The following EDIL3 variants were observed in gnomAD, a reference collection of about 807,000 sequenced individuals.
EDIL3 encodes the protein EGF like and discoidin domains 3.
EDIL3 carries 37 observed loss-of-function variants against 67.4 expected under a neutral mutation model. The observed-to-expected ratio is 0.55, with a 90% CI of 0.42 to 0.72. The LOEUF (loss-of-function observed/expected upper bound fraction) is 0.72. Ranked by LOEUF, EDIL3 falls within the 30% of genes least tolerant of loss-of-function variation. EDIL3 has a pLI of 0.00. For synonymous variants in EDIL3, 195 were observed against 196.3 expected, an observed-to-expected ratio of 0.99 and a Z score of 0.05; for missense variants, 527 against 586.3, an observed-to-expected ratio of 0.90 and a Z score of 1.04.
chr5:84,346,165 T>A (rs1747236553), intron 1 of EDIL3, among the ~76,000 whole-genome samples: 2 of 143,468 alleles, frequency 1.4e-5, no homozygotes, highest in Admixed American at 1.5e-4. Context: ...AAATGGAGTC[T>A]CGCTCTGTCT....
intron 5 of EDIL3, among the ~76,000 whole-genome samples, chr5:84,131,866 T>C (rs1401332401): frequency 6.6e-6 from 1 of 152,106 alleles, no homozygotes; most frequent in Admixed American, 6.6e-5. Flanking sequence ...ATCTCTACAA[T>C]GTTTCAGCAA....
intron 9 of EDIL3, among the ~76,000 whole-genome samples, chr5:83,987,161 G>A (rs1467949392): frequency 6.6e-6 from 1 of 152,052 alleles, no homozygotes; most frequent in Non-Finnish European, 1.5e-5. Context: ...CTAGCACCAT[G>A]CTTCTGTTTT....
At chr5:84,200,232 C>T (rs908368669) in intron 3 of EDIL3, among the ~76,000 whole-genome samples, 2 of 151,914 alleles carry the variant, frequency 1.3e-5, no homozygotes, top group African/African-American at 2.4e-5. Context: ...TAAACCTGCA[C>T]GTTGTGCACA....
At chr5:84,168,667 G>A (rs1375455943) in intron 4 of EDIL3, among the ~76,000 whole-genome samples, 4 of 152,140 alleles carry the variant, frequency 2.6e-5, no homozygotes, top group Admixed American at 6.5e-5. Context: ...GATGCTGGTC[G>A]TAATTGACTT....
intron 2 of EDIL3, among the ~76,000 whole-genome samples, chr5:84,248,257 A>C (rs1744949945): frequency 6.6e-6 from 1 of 152,172 alleles, no homozygotes; most frequent in South Asian, 2.1e-4. Flanking sequence ...ATCACATGTA[A>C]TCAAAGGAAA....
intron 9 of EDIL3, among the ~76,000 whole-genome samples, chr5:84,020,512 A>G (rs1399425504): frequency 6.6e-6 from 1 of 152,010 alleles, no homozygotes; most frequent in Admixed American, 6.6e-5. Context: ...TTAATAATCA[A>G]TTCTTCTTCG....
At chr5:84,178,598 G>T (rs1416931210) in intron 4 of EDIL3, among the ~76,000 whole-genome samples, 1 of 152,046 alleles carries the variant, frequency 6.6e-6, no homozygotes, top group East Asian at 1.9e-4. Flanking sequence ...ATGAACCAAA[G>T]ACCATCTATT....
At chr5:84,368,905 T>C (rs1747791568) in intron 1 of EDIL3, among the ~76,000 whole-genome samples, 1 of 151,622 alleles carries the variant, frequency 6.6e-6, no homozygotes, top group South Asian at 2.1e-4. Context: ...AAAATGCAAG[T>C]CAAAACTAAA....
chr5:84,261,169 T>G (rs1329375148), intron 1 of EDIL3, among the ~76,000 whole-genome samples: 1 of 152,162 alleles, frequency 6.6e-6, no homozygotes, highest in Non-Finnish European at 1.5e-5. Flanking sequence ...GAGCCAACTC[T>G]AGTACACAAG....
intron 9 of EDIL3, among the ~76,000 whole-genome samples, chr5:83,994,797 G>A (rs139716600): frequency 1.1e-3 from 166 of 152,172 alleles, no homozygotes; most frequent in African/African-American, 3.8e-3. Flanking sequence ...GTTTCCCATT[G>A]GAATTGCTTG....
At chr5:84,015,668 TAA>T (rs60450585) in intron 9 of EDIL3, among the ~76,000 whole-genome samples, 4,408 of 152,152 alleles carry the variant, frequency 0.029, 216 homozygotes, top group African/African-American at 0.1. Flanking sequence ...GTTATATATA[TAA>T]GAGTGTGTTT....
intron 3 of EDIL3, among the ~76,000 whole-genome samples, chr5:84,227,776 A>G (rs568040651): frequency 1.2e-4 from 19 of 152,262 alleles, no homozygotes; most frequent in African/African-American, 4.6e-4. Flanking sequence ...CCTCTTAGCA[A>G]CATGGATGGA....
chr5:84,197,645 G>T (rs560269467), intron 3 of EDIL3, among the ~76,000 whole-genome samples: 16 of 147,016 alleles, frequency 1.1e-4, no homozygotes, highest in Admixed American at 3.5e-4. Context: ...GTGACAGAGC[G>T]AAACTACATC....
Position 84,312,372 on chromosome 5 carries a change from C to T in EDIL3, c.68-58160G>A, listed in dbSNP as rs62360089. On this transcript the variant is annotated intron_variant, in intron 1 of 10. Transcript: ENST00000296591. The stretch of plus-strand genomic sequence containing the variant: ...CTCCCTCCCGGACGGGGCGGCTGGC[C>T]GGGCGGGGGGCTGACTCCCCCACCA... 3.4e-5 allele frequency among the ~76,000 whole-genome samples: 5 copies of T among 145,580 alleles called. 1 individual carries two copies. The East Asian group carries it at 8.6e-4, about 25-fold the overall frequency.
At chr5:83,981,684 C>T (rs541332367) in intron 9 of EDIL3, among the ~76,000 whole-genome samples, 5 of 151,928 alleles carry the variant, frequency 3.3e-5, no homozygotes, top group Non-Finnish European at 5.9e-5. Context: ...TTCTGCTACC[C>T]CAGAGTATTG....
At chr5:84,065,477 C>T (rs1055231302) in intron 7 of EDIL3, among the ~76,000 whole-genome samples, 1 of 151,786 alleles carries the variant, frequency 6.6e-6, no homozygotes, top group Non-Finnish European at 1.5e-5. Flanking sequence ...ACCTGATAAT[C>T]CAAAAACCTT....
intron 9 of EDIL3, among the ~76,000 whole-genome samples, chr5:84,040,173 C>T (rs1746093837): frequency 6.6e-6 from 1 of 152,172 alleles, no homozygotes. Context: ...ACTCTAACCA[C>T]TTCAGATACT....
chr5:84,164,864 G>A (rs1380632519), intron 4 of EDIL3, among the ~76,000 whole-genome samples: 1 of 152,024 alleles, frequency 6.6e-6, no homozygotes, highest in Non-Finnish European at 1.5e-5. Context: ...GAAAGCAGAG[G>A]GACTTTCCTG....
rs1241419863 is a variant in EDIL3, at chr5:84,096,501, G to A, written c.651+10148C>T. On this transcript the variant is annotated intron_variant, in intron 6 of 10. Transcript: ENST00000296591. Reference sequence around the variant, plus strand: ...GGCCAGTAGCCCCTTTGTTTTGGCCGATTTCTCCCATTTGGAATGGCCGTA... The same window carrying A: ...GGCCAGTAGCCCCTTTGTTTTGGCCAATTTCTCCCATTTGGAATGGCCGTA... 9.9e-5 allele frequency among the ~76,000 whole-genome samples: 15 copies of A among 152,244 alleles called. 1 individual carries two copies. Among genetic ancestry groups the A allele is most frequent in the Non-Finnish European group, 1.6e-4 (11 of 68,018 alleles).
Sources: gnomAD v4.1 joint callset for allele counts (sites outside exome capture counted in the v4.1 genomes callset) on GRCh38, gnomAD v4.1.1 for gene constraint, MANE v1.5 for transcripts, NCBI Gene and HGNC (gene_info 2026-07-23, HGNC 2026-07-21) for gene names.